The following ITIH1 variants were observed in gnomAD, a reference collection of about 807,000 sequenced individuals.
ITIH1 encodes inter-alpha-trypsin inhibitor heavy chain 1.
ITIH1 carries 94 observed loss-of-function variants against 104.6 expected under a neutral mutation model. That is an observed-to-expected ratio of 0.90 (90% CI 0.76 to 1.07). The LOEUF is 1.07. Ranked by LOEUF, ITIH1 falls within the 50% of genes least tolerant of loss-of-function variation. The pLI is 0.00. For synonymous variants in ITIH1, 455 were observed against 464.4 expected (o/e 0.98, Z 0.26); for missense variants, 1,193 against 1,181.4 (o/e 1.01, Z -0.14).
At chr3:52,782,515 G>A (rs1013787444) in intron 8 of ITIH1, among the ~76,000 whole-genome samples, 2 of 152,162 alleles carry the variant, frequency 1.3e-5, no homozygotes, top group Non-Finnish European at 2.9e-5. Flanking sequence ...GTGTCTGCAG[G>A]GTCATGGAGT....
At position 52,790,816 on chromosome 3, in the gene ITIH1, G is replaced by A. The variant is rs766875942; in HGVS notation, c.2389G>A (p.Val797Ile). ...TGTGGACGACGGTGGCACCTTTGAG[G>A]TTGTTTTGCACCGAGTGTGGAAGGG... is the stretch of plus-strand genomic sequence containing the variant. Reference protein sequence around the residue: ...VSVDDGGTFEVVLHRVWKGSS... With the variant: ...VSVDDGGTFEIVLHRVWKGSS... Residue 797 changes from valine (V) to isoleucine (I), a missense_variant, in exon 20 of 22, where the codon GTT (valine) becomes ATT (isoleucine). Physicochemically the swap from Val to Ile is conservative, Grantham distance 29. Coordinates refer to ENST00000273283, the MANE Select transcript of ITIH1 (RefSeq NM_002215.4). The A allele has an allele frequency of 6.2e-7, 1 of 1,613,108 alleles. No homozygotes were observed. Among genetic ancestry groups the A allele is most frequent in the Non-Finnish European group, 8.5e-7 (1 of 1,179,602 alleles).
intron 10 of ITIH1, among the ~76,000 whole-genome samples, chr3:52,783,656 T>TAAGCA (rs1431106655): frequency 6.6e-6 from 1 of 152,134 alleles, no homozygotes; most frequent in African/African-American, 2.4e-5. Flanking sequence ...TACTGTATGC[T>TAAGCA]AAGCAAGGGG....
chr3:52,785,097 C>T lies in ITIH1; in HGVS notation c.1461C>T (p.Tyr487=). 4 of 1,614,062 alleles carry T rather than the reference C, an allele frequency of 2.5e-6. No homozygotes were observed. The highest frequency in any genetic ancestry group is 3.4e-6 in the Non-Finnish European group (4 of 1,179,990). The change falls in exon 12 of 22, where the codon TAC becomes TAT. Residue 487 remains tyrosine (Y), a synonymous_variant. Coordinates refer to ENST00000273283, the MANE Select transcript of ITIH1 (RefSeq NM_002215.4). ...TGCTGGTGGATGTGGATTTGCAGTA[C>T]CCCCAGGATGCTGTCTTGGCCCTGA... ...KPLLVDVDLQ[Y]PQDAVLALTQ... is the part of the protein sequence containing the mutation.
rs1169278916 is a variant in ITIH1 at position 52,790,833 on chromosome 3, G to A, written c.2406G>A (p.Val802=). The A allele has an allele frequency of 5.0e-6, 8 of 1,613,292 alleles. No homozygotes were observed. Among genetic ancestry groups the A allele is most frequent in the East Asian group, 2.2e-5 (1 of 44,788 alleles). ...CCTTTGAGGTTGTTTTGCACCGAGTGTGGAAGGGGAGCTCGGTCCACCAGG... is the reference window on the plus strand; with the variant it reads ...CCTTTGAGGTTGTTTTGCACCGAGTATGGAAGGGGAGCTCGGTCCACCAGG... ...GGTFEVVLHR[V]WKGSSVHQDF... is the part of the protein sequence containing the mutation. The change falls in exon 20 of 22, where the codon GTG becomes GTA. Residue 802 remains valine (V), a synonymous_variant. Coordinates refer to ENST00000273283, the MANE Select transcript of ITIH1 (RefSeq NM_002215.4).
Position 52,787,972 on chromosome 3 carries a change from C to T in ITIH1, c.1925-14C>T, listed in dbSNP as rs748809908. On this transcript the variant is annotated splice_polypyrimidine_tract_variant and intron_variant, in intron 16 of 21. Coordinates refer to ENST00000273283, the MANE Select transcript of ITIH1 (RefSeq NM_002215.4). ...GGCTGCCCCGCTTCTAAATGCCACT[C>T]CCCCTCCCATCAGCGTTCGTGCTGT... 7 of 1,590,376 alleles carry T rather than the reference C, an allele frequency of 4.4e-6. No homozygotes were observed. The highest frequency in any genetic ancestry group is 5.1e-6 in the Non-Finnish European group (6 of 1,165,460).
Position 52,787,118 on chromosome 3 carries a change from T to C in ITIH1, c.1888+19T>C. 2 of 1,614,228 alleles carry C rather than the reference T, an allele frequency of 1.2e-6. No individual in the cohort carries two copies. The highest frequency in any genetic ancestry group is 8.5e-7 in the Non-Finnish European group (1 of 1,180,028). On this transcript the variant is annotated intron_variant, in intron 14 of 21. Coordinates refer to ENST00000273283, the MANE Select transcript of ITIH1 (RefSeq NM_002215.4). ...TCAGAGGGTATAGGCTGCAGGGGTC[T>C]ACAGAAGGGAGAGGCCATGGGCCAA... is the stretch of plus-strand genomic sequence containing the variant.
At chr3:52,783,759 A>G (rs2154108420) in intron 10 of ITIH1, among the ~76,000 whole-genome samples, 1 of 152,198 alleles carries the variant, frequency 6.6e-6, no homozygotes, top group Non-Finnish European at 1.5e-5. Flanking sequence ...GTAGATACTG[A>G]GGGCCCTGAA....
At position 52,783,213 on chromosome 3, in the gene ITIH1, G is replaced by A. The variant is rs778874892; in HGVS notation, c.1100-1G>A. 1.2e-5 allele frequency: 19 copies of A among 1,614,004 alleles called. No individual in the cohort carries two copies. In the South Asian group the frequency reaches 1.6e-4, roughly 14 times the overall value. On this transcript the variant is annotated splice_acceptor_variant, in intron 9 of 21. Transcript: ENST00000273283. LOFTEE classifies it high-confidence loss of function. ...ACTGGTCTGCTTTCTCTTCCTTGCAGCCACAAACCTGAATGGAGGTTTGCT... is the reference window on the plus strand; with the variant it reads ...ACTGGTCTGCTTTCTCTTCCTTGCAACCACAAACCTGAATGGAGGTTTGCT...
intron 13 of ITIH1, among the ~76,000 whole-genome samples, chr3:52,786,685 A>T (rs1377902055): frequency 6.6e-6 from 1 of 152,188 alleles, no homozygotes; most frequent in Non-Finnish European, 1.5e-5. Flanking sequence ...CTTGACCCAG[A>T]TCTCACAGCT....
chr3:52,788,277 A>G lies in ITIH1; in HGVS notation c.2051A>G (p.Asp684Gly). The G allele has an allele frequency of 1.9e-6, 3 of 1,612,378 alleles. No homozygotes were observed. Among genetic ancestry groups the G allele is most frequent in the Non-Finnish European group, 1.7e-6 (2 of 1,179,370 alleles). ...HFIIHVPQKE[D>G]TLCFNINEEP... is the part of the protein sequence containing the mutation. ...ATCATCCACGTGCCCCAGAAAGAGG[A>G]CACCCTGTGCTTCAACATCAATGAG... Residue 684 changes from aspartate (D) to glycine (G), a missense_variant, in exon 18 of 22, where the codon GAC becomes GGC. Asp to Gly is a moderately conservative substitution (Grantham distance 94). Transcript: ENST00000273283.
rs776525917 is a variant in ITIH1, at chr3:52,778,958, G to T, written c.322G>T (p.Ala108Ser). The T allele has an allele frequency of 1.1e-5, 17 of 1,612,982 alleles. No individual in the cohort carries two copies. The African/African-American group carries it at 2.1e-4, about 20-fold the overall frequency. The change falls in exon 4 of 22, where the codon GCA becomes TCA. Residue 108 changes from alanine (A) to serine (S), a missense_variant. Transcript: ENST00000273283. ...SDFAVTADGN[A>S]FIGDIKDKVT... ...TCCCTGCAGTACAGCAGATGGAAAC[G>T]CATTTATCGGAGACATAAAGGACAA...
chr3:52,786,566 T>G (rs930216418), intron 13 of ITIH1, 132 bp downstream of exon 13: 5 of 920,850 alleles, frequency 5.4e-6, no homozygotes, highest in Non-Finnish European at 8.1e-6. Flanking sequence ...CTTTGCTCAC[T>G]GAGTTAATAT....
Position 52,783,102 on chromosome 3 carries a change from T to C in ITIH1, c.1076T>C (p.Val359Ala). 1.2e-6 allele frequency: 2 copies of C among 1,614,062 alleles called. No homozygotes were observed. The highest frequency in any genetic ancestry group is 1.7e-6 in the Non-Finnish European group (2 of 1,180,004). ...EANLQAAQDF[V>A]RGFSLDEATN... ...AACCTACAAGCAGCTCAAGACTTTG[T>C]GCGGGGCTTTTCCCTGGATGAGGGT... The change falls in exon 9 of 22, where the codon GTG becomes GCG. Residue 359 changes from valine (V) to alanine (A), a missense_variant. Physicochemically the swap from Val to Ala is moderately conservative, Grantham distance 64. Coordinates refer to ENST00000273283, the MANE Select transcript of ITIH1 (RefSeq NM_002215.4).
chr3:52,787,826 T>G (rs1054901689), intron 16 of ITIH1, 160 bp from the exon 17 acceptor site: 1 of 916,032 alleles, frequency 1.1e-6, no homozygotes, highest in Admixed American at 1.8e-5. Context: ...TCTGTCCCCG[T>G]GTCCCGGGAG....
chr3:52,784,548 C>T (rs1408181750), intron 11 of ITIH1, 71 bp downstream of exon 11: 8 of 1,484,448 alleles, frequency 5.4e-6, no homozygotes, highest in East Asian at 2.3e-5. Flanking sequence ...GCCGTTTGCC[C>T]ATCAGCCTAG....
rs1356407337 is a variant in ITIH1, at chr3:52,779,261, T to C, written c.411-171T>C. Among the ~76,000 whole-genome samples the C allele has an allele frequency of 6.6e-6, 1 of 152,244 alleles. No individual in the cohort carries two copies. Among genetic ancestry groups the C allele is most frequent in the Admixed American group, 6.5e-5 (1 of 15,288 alleles). ...CACTGGGAGAAGTGGGCCCCCGCCA[T>C]CTTGGGCCCTGACCCTGACCAGCCA... On this transcript the variant is annotated intron_variant, in intron 4 of 21. Coordinates refer to ENST00000273283, the MANE Select transcript of ITIH1 (RefSeq NM_002215.4). The surrounding 1 kb of genome is among the most constrained non-coding windows in gnomAD (Gnocchi z 4.4).
At chr3:52,781,285 T>C (rs1476166333) in intron 6 of ITIH1, among the ~76,000 whole-genome samples, 1 of 130,414 alleles carries the variant, frequency 7.7e-6, no homozygotes, top group East Asian at 2.7e-4. Flanking sequence ...TTCTTCTTCT[T>C]CCTCTTCTTC....
In ITIH1 at chr3:52,778,509, G is replaced by A. The variant is rs1298452399; in HGVS notation, c.305+3G>A. On this transcript the variant is annotated splice_donor_region_variant and intron_variant, in intron 3 of 21. Transcript: ENST00000273283. ...GCATTCATCAGTGACTTTGCCGTGTGCGTGCCTGCCCAACTCCCATGCCTT... is the reference window on the plus strand; with the variant it reads ...GCATTCATCAGTGACTTTGCCGTGTACGTGCCTGCCCAACTCCCATGCCTT... The A allele has an allele frequency of 6.2e-7, 1 of 1,614,156 alleles. No individual in the cohort carries two copies. The highest frequency in any genetic ancestry group is 8.5e-7 in the Non-Finnish European group (1 of 1,180,002).
At chr3:52,780,620 C>T (rs761320911) in intron 6 of ITIH1, among the ~76,000 whole-genome samples, 2 of 152,222 alleles carry the variant, frequency 1.3e-5, no homozygotes, top group African/African-American at 2.4e-5. Context: ...TCCAGCTCCA[C>T]CACACACGGG....
Sources: gnomAD v4.1 joint callset for allele counts (sites outside exome capture counted in the v4.1 genomes callset) on GRCh38, gnomAD v4.1.1 for gene constraint, Gnocchi (gnomAD v3.1) non-coding constraint, MANE v1.5 for transcripts, NCBI Gene and HGNC (gene_info 2026-07-23, HGNC 2026-07-21) for gene names.